Variants in SPATA6L observed in about 807,000 individuals in gnomAD.
The protein encoded by SPATA6L is spermatogenesis associated 6-like protein.
In SPATA6L, 68 loss-of-function variants were observed where a neutral mutation model predicts 49.2. The observed-to-expected ratio is 1.38, with a 90% CI of 1.14 to 1.69. SPATA6L has a LOEUF of 1.69. Ranked by LOEUF, SPATA6L falls within the 40% of genes most tolerant of loss-of-function variation. The probability of loss-of-function intolerance (pLI) is 0.00; values close to 1 mark genes in which losing one functional copy is unlikely to be tolerated. For synonymous variants in SPATA6L, 198 were observed against 165.7 expected, an observed-to-expected ratio of 1.19 and a Z score of -1.50; for missense variants, 668 against 464.3, an observed-to-expected ratio of 1.44 and a Z score of -4.03.
intron 3 of SPATA6L, 142 bp from the exon 4 acceptor site, chr9:4,635,541 G>T (rs1832624525): frequency 4.1e-6 from 3 of 737,052 alleles, no homozygotes; most frequent in East Asian, 6.8e-5. Flanking sequence ...TTCAAGAGGA[G>T]ACTAATTTCT....
intron 6 of SPATA6L, 71 bp downstream of exon 6, chr9:4,625,256 C>G: frequency 1.3e-6 from 2 of 1,514,114 alleles, no homozygotes; most frequent in East Asian, 2.3e-5. Context: ...TATAACTCAA[C>G]CTTCCTTTCT....
In SPATA6L at chr9:4,613,101, C is replaced by T. The variant is rs530861632; in HGVS notation, c.995+4822G>A. 1.1e-4 allele frequency among the ~76,000 whole-genome samples: 17 copies of T among 151,890 alleles called. No individual in the cohort carries two copies. The South Asian group carries it at 3.5e-3, about 32-fold the overall frequency. ...AAATTAGCCAGGTGTGGTGGTGGTA[C>T]ATCTGTAGTCCCAGATACCAGGAGG... On this transcript the variant is annotated intron_variant, in intron 9 of 11. Transcript: ENST00000682582.
At chr9:4,650,664 G>T (rs546304635) in intron 3 of SPATA6L, among the ~76,000 whole-genome samples, 2 of 152,188 alleles carry the variant, frequency 1.3e-5, no homozygotes, top group South Asian at 4.1e-4. Context: ...ATAATTTTTT[G>T]TTTGTTTGTT....
intron 4 of SPATA6L, among the ~76,000 whole-genome samples, chr9:4,629,769 G>GTGTGTGTGTATATATATATATA (rs1311805859): frequency 0.014 from 1,454 of 101,510 alleles, 18 homozygotes; most frequent in East Asian, 0.034. Context: ...GTGTGTGTGT[G>GTGTGTGTGTATATATATATATA]TATATATATA....
intron 7 of SPATA6L, 27 bp downstream of exon 7, chr9:4,622,381 T>G (rs1329512674): frequency 2.2e-6 from 3 of 1,390,564 alleles, no homozygotes; most frequent in Non-Finnish European, 3.1e-6. Context: ...TAGGGAAATG[T>G]ACAGGAGTAA....
At chr9:4,622,289 C>CA in intron 7 of SPATA6L, 119 bp downstream of exon 7, 1 of 666,224 alleles carries the variant, frequency 1.5e-6, no homozygotes, top group Non-Finnish European at 2.6e-6. Flanking sequence ...CTGGAGAGTA[C>CA]TTGAGAATTA....
At chr9:4,623,693 T>G (rs796976943) in intron 6 of SPATA6L, among the ~76,000 whole-genome samples, 3 of 152,294 alleles carry the variant, frequency 2.0e-5, no homozygotes, top group African/African-American at 7.2e-5. Context: ...TATAAGAATT[T>G]GTTAAATAAA....
intron 3 of SPATA6L, among the ~76,000 whole-genome samples, chr9:4,647,495 G>C (rs1048141945): frequency 6.6e-5 from 10 of 152,170 alleles, no homozygotes; most frequent in Admixed American, 5.9e-4. Context: ...GGGAGGCTGA[G>C]GCAGCAGAAT....
intron 1 of SPATA6L, chr9:4,664,154 G>C (rs560260270): frequency 6.0e-6 from 1 of 167,136 alleles, no homozygotes; most frequent in South Asian, 2.1e-4. Flanking sequence ...GGGAAAGTTA[G>C]AGGAACTGAA....
chr9:4,662,070 G>T lies in SPATA6L; in HGVS notation c.40-34C>A, dbSNP rs766852698. 1 of 1,608,972 alleles carries T rather than the reference G, an allele frequency of 6.2e-7. No individual in the cohort carries two copies. The highest frequency in any genetic ancestry group is 8.5e-7 in the Non-Finnish European group (1 of 1,177,428). On this transcript the variant is annotated intron_variant, in intron 1 of 11. Coordinates refer to ENST00000682582, the MANE Select transcript of SPATA6L (RefSeq NM_001353486.2). This position sits in a 1 kb window ranked among gnomAD's most constrained non-coding sequence, Gnocchi z 4.9. ...GAAAGAAAACAACAAACAAGGGAGA[G>T]AAAACAGACTTTGCTTTGTTTTGTT...
At chr9:4,622,620 A>G in intron 6 of SPATA6L, 110 bp from the exon 7 acceptor site, 4 of 739,682 alleles carry the variant, frequency 5.4e-6, no homozygotes, top group Non-Finnish European at 6.6e-6. Flanking sequence ...ACGGGTTGGA[A>G]AAAGAAGGCT....
intron 3 of SPATA6L, among the ~76,000 whole-genome samples, chr9:4,638,152 C>A (rs1038534195): frequency 6.6e-6 from 1 of 150,934 alleles, no homozygotes. Context: ...GAGTAAATTA[C>A]TAGGAATAAA....
At chr9:4,620,291 G>C (rs1294088707) in intron 7 of SPATA6L, among the ~76,000 whole-genome samples, 2 of 147,660 alleles carry the variant, frequency 1.4e-5, no homozygotes, top group African/African-American at 5.0e-5. Flanking sequence ...TAACCCTGTG[G>C]CCTCATAACC....
chr9:4,629,769 G>GTGTGTGTATATATATATC (rs1311805859), intron 4 of SPATA6L, among the ~76,000 whole-genome samples: 1 of 101,936 alleles, frequency 9.8e-6, no homozygotes, highest in Non-Finnish European at 1.8e-5. Context: ...GTGTGTGTGT[G>GTGTGTGTATATATATATC]TATATATATA....
chr9:4,646,154 T>A (rs1790973539), intron 3 of SPATA6L: 1 of 167,696 alleles, frequency 6.0e-6, no homozygotes, highest in Non-Finnish European at 1.2e-5. Flanking sequence ...ACCCCACAAA[T>A]TAGAACACAG....
chr9:4,662,399 G>A lies in SPATA6L; in HGVS notation c.40-363C>T. On this transcript the variant is annotated intron_variant, in intron 1 of 11. Transcript: ENST00000682582. This position sits in a 1 kb window ranked among gnomAD's most constrained non-coding sequence, Gnocchi z 4.9. ...CGATGCCAAGTCCCCGGAGGAGCAT[G>A]GAGGGACGGCCGCTGGGCGTCTCCG... The A allele has an allele frequency of 4.6e-6, 7 of 1,535,192 alleles. No homozygotes were observed. Among genetic ancestry groups the A allele is most frequent in the Non-Finnish European group, 5.2e-6 (6 of 1,148,574 alleles).
chr9:4,589,474 T>G (rs879621648), intron 13 of SPATA6L, among the ~76,000 whole-genome samples: 2 of 152,226 alleles, frequency 1.3e-5, no homozygotes, highest in African/African-American at 2.4e-5. Context: ...TAGTGAGACT[T>G]CGTAAACAGC....
intron 9 of SPATA6L, among the ~76,000 whole-genome samples, chr9:4,613,635 G>A (rs993779222): frequency 6.6e-6 from 1 of 151,932 alleles, no homozygotes; most frequent in Non-Finnish European, 1.5e-5. Context: ...CCATGCTGGA[G>A]TGCAGTGGCG....
intron 3 of SPATA6L, among the ~76,000 whole-genome samples, chr9:4,641,395 A>G (rs1235407081): frequency 6.6e-6 from 1 of 152,176 alleles, no homozygotes; most frequent in African/African-American, 2.4e-5. Context: ...AGAGCATAAT[A>G]ATAAAACATT....
Sources: allele counts gnomAD v4.1 joint callset (sites outside exome capture counted in the v4.1 genomes callset), GRCh38; gene constraint gnomAD v4.1.1; non-coding constraint Gnocchi (gnomAD v3.1); transcripts MANE v1.5; gene names NCBI Gene and HGNC (gene_info 2026-07-23, HGNC 2026-07-21).